The following IGFL2 variants were observed in gnomAD, a reference collection of about 807,000 sequenced individuals.
IGFL2 encodes the protein IGF like family member 2, also known as insulin growth factor-like family member 2.
Under a neutral mutation model 13.9 loss-of-function variants are expected in IGFL2, and 7 were observed. That is an observed-to-expected ratio of 0.51 (90% CI 0.29 to 0.95). The LOEUF (loss-of-function observed/expected upper bound fraction) is 0.95, where lower values mean the gene tolerates loss of function less well. Ranked by LOEUF, IGFL2 falls within the 40% of genes least tolerant of loss-of-function variation. The probability of loss-of-function intolerance (pLI) is 0.08; values close to 1 mark genes in which losing one functional copy is unlikely to be tolerated. For missense variants in IGFL2, 138 were observed against 147.8 expected (o/e 0.93, Z 0.34); for synonymous variants, 55 against 55.8 (o/e 0.99, Z 0.07).
downstream of IGFL2, among the ~76,000 whole-genome samples, chr19:46,165,954 A>C (rs1974382406): frequency 6.6e-6 from 1 of 152,328 alleles, no homozygotes; most frequent in African/African-American, 2.4e-5. Context: ...TGACATGTGG[A>C]AGGACATTCT....
chr19:46,084,363 T>G, the IGFL2 span, among the ~76,000 whole-genome samples: 1 of 152,240 alleles, frequency 6.6e-6, no homozygotes, highest in Admixed American at 6.5e-5. Context: ...TTTTGTCTGG[T>G]TGATCTGTCC....
the IGFL2 span, among the ~76,000 whole-genome samples, chr19:46,099,555 G>T: frequency 2.0e-5 from 3 of 149,856 alleles, no homozygotes; most frequent in African/African-American, 7.4e-5. Flanking sequence ...TTGAGACGGA[G>T]TCTCACTCTG....
chr19:46,128,514 T>C, the IGFL2 span, among the ~76,000 whole-genome samples: 1 of 152,208 alleles, frequency 6.6e-6, no homozygotes, highest in Non-Finnish European at 1.5e-5. Context: ...TTGAAGTATA[T>C]TTCTTCAATA....
At chr19:46,193,207 A>T in the IGFL2 span, among the ~76,000 whole-genome samples, 2 of 152,116 alleles carry the variant, frequency 1.3e-5, no homozygotes, top group Non-Finnish European at 2.9e-5. Flanking sequence ...AACAAAAACA[A>T]AACACAAAAC....
downstream of IGFL2, among the ~76,000 whole-genome samples, chr19:46,163,424 G>T (rs1373969240): frequency 1.3e-5 from 2 of 152,188 alleles, no homozygotes; most frequent in Non-Finnish European, 2.9e-5. Context: ...TCAGCTCAAG[G>T]TGGAGCATCT....
the IGFL2 span, chr19:46,209,635 G>A: frequency 3.3e-5 from 5 of 152,128 alleles, no homozygotes; most frequent in East Asian, 3.8e-4. Context: ...CACAAAAAGC[G>A]AAAGCAAAAA....
chr19:46,153,823 A>ATG (rs1973649067), intron 1 of IGFL2, among the ~76,000 whole-genome samples: 1 of 145,784 alleles, frequency 6.9e-6, no homozygotes, highest in Non-Finnish European at 1.5e-5. Flanking sequence ...ATGTGTATAT[A>ATG]TATATATATA....
chr19:46,098,653 A>G, the IGFL2 span, among the ~76,000 whole-genome samples: 1 of 151,798 alleles, frequency 6.6e-6, no homozygotes, highest in African/African-American at 2.4e-5. Flanking sequence ...TAATTTTTGT[A>G]TTTTTAGTAG....
the IGFL2 span, chr19:46,124,592 T>C: frequency 6.3e-7 from 1 of 1,584,440 alleles, no homozygotes; most frequent in Non-Finnish European, 8.6e-7. Context: ...GGGAATGAGA[T>C]GAGATGATGT....
the IGFL2 span, among the ~76,000 whole-genome samples, chr19:46,192,830 T>C: frequency 2.0e-5 from 3 of 152,182 alleles, no homozygotes; most frequent in African/African-American, 7.2e-5. Flanking sequence ...TTCCCTCTTA[T>C]CTCCACTTTC....
the IGFL2 span, among the ~76,000 whole-genome samples, chr19:46,169,858 A>G: frequency 4.6e-5 from 7 of 152,040 alleles, no homozygotes; most frequent in Non-Finnish European, 1.5e-5. Context: ...AAAAAAAAAA[A>G]AAAAAAAAAA....
the IGFL2 span, chr19:46,136,931 G>T: frequency 9.8e-7 from 1 of 1,015,496 alleles, no homozygotes; most frequent in African/African-American, 1.6e-5. Context: ...ACATGAGAGA[G>T]GTGTCTGTAA....
At chr19:46,104,509 G>GA in the IGFL2 span, among the ~76,000 whole-genome samples, 1 of 152,182 alleles carries the variant, frequency 6.6e-6, no homozygotes, top group Non-Finnish European at 1.5e-5. Flanking sequence ...ATTATGTCTG[G>GA]AAAAAGGGAA....
rs768346890 is a variant in IGFL2, at chr19:46,160,485, G to C, written c.73+17G>C. The C allele has an allele frequency of 2.1e-5, 34 of 1,613,506 alleles. No homozygotes were observed. Among genetic ancestry groups the C allele is most frequent in the Non-Finnish European group, 2.9e-5 (34 of 1,179,550 alleles). ...AAGTCATCGGTGAGTACAAGGATGG[G>C]CAAGAGTGAAGAGGAAGGAGGCTGA... On this transcript the variant is annotated intron_variant, in intron 2 of 3. Coordinates refer to ENST00000377693, the MANE Select transcript of IGFL2 (RefSeq NM_001135113.2).
At chr19:46,109,573 C>T in the IGFL2 span, among the ~76,000 whole-genome samples, 5 of 152,156 alleles carry the variant, frequency 3.3e-5, no homozygotes, top group African/African-American at 1.2e-4. Flanking sequence ...ACCTCGGCCT[C>T]CCAAAGTGCT....
the IGFL2 span, among the ~76,000 whole-genome samples, chr19:46,170,687 G>T: frequency 6.6e-6 from 1 of 152,118 alleles, no homozygotes; most frequent in Non-Finnish European, 1.5e-5. Flanking sequence ...TGCCTTCCCA[G>T]GGGGGCCTCT....
At chr19:46,159,198 C>T (rs189788325) in intron 1 of IGFL2, 1 of 152,334 alleles carries the variant, frequency 6.6e-6, no homozygotes, top group Admixed American at 6.5e-5. Flanking sequence ...GTGGATATGA[C>T]TCCAAATAGT....
chr19:46,193,711 G>A, the IGFL2 span, among the ~76,000 whole-genome samples: 2 of 152,144 alleles, frequency 1.3e-5, no homozygotes, highest in African/African-American at 4.8e-5. Context: ...ACTTACAGCT[G>A]CACTATGTGG....
chr19:46,182,383 A>G, the IGFL2 span, among the ~76,000 whole-genome samples: 728 of 151,862 alleles, frequency 4.8e-3, 8 homozygotes, highest in African/African-American at 0.017. Context: ...AAAAAAAAAA[A>G]AAAAAAATTC....
Sources: allele counts gnomAD v4.1 joint callset (sites outside exome capture counted in the v4.1 genomes callset), GRCh38; gene constraint gnomAD v4.1.1; transcripts MANE v1.5; gene names NCBI Gene and HGNC (gene_info 2026-07-23, HGNC 2026-07-21).